The following SYNE2 variants were observed in gnomAD, a reference collection of about 807,000 sequenced individuals.
The protein encoded by SYNE2 is nesprin-2.
Under a neutral mutation model 856.3 loss-of-function variants are expected in SYNE2, and 431 were observed. The ratio of observed to expected loss-of-function variants is 0.50; its 90% CI spans 0.47 to 0.55. The LOEUF is 0.55. Ranked by LOEUF, SYNE2 falls within the 20% of genes least tolerant of loss-of-function variation. SYNE2 has a pLI of 0.00. For missense variants in SYNE2, 8,129 were observed against 8,023.2 expected (o/e 1.01, Z -0.50); for synonymous variants, 2,923 against 2,872.3 (o/e 1.02, Z -0.56).
intron 82 of SYNE2, among the ~76,000 whole-genome samples, chr14:64,143,526 A>G (rs1169450584): frequency 6.6e-6 from 1 of 152,146 alleles, no homozygotes; most frequent in Non-Finnish European, 1.5e-5. Flanking sequence ...CAACTGCCAT[A>G]CATAGTGCCC....
chr14:63,879,257 T>A (rs2094802450), intron 1 of SYNE2, among the ~76,000 whole-genome samples: 1 of 152,208 alleles, frequency 6.6e-6, no homozygotes, highest in Admixed American at 6.5e-5. Flanking sequence ...TTTAAAAATC[T>A]TTTTTTGTTT....
intron 45 of SYNE2, among the ~76,000 whole-genome samples, chr14:64,035,515 A>ATTTTT (rs35030710): frequency 2.9e-4 from 35 of 121,684 alleles, no homozygotes; most frequent in African/African-American, 3.4e-4. Context: ...TACATGGTAC[A>ATTTTT]TTTTTTTTTT....
chr14:64,072,908 C>G (rs2097423897), intron 52 of SYNE2, among the ~76,000 whole-genome samples: 1 of 152,172 alleles, frequency 6.6e-6, no homozygotes, highest in African/African-American at 2.4e-5. Context: ...ACACTTTACT[C>G]ATGTTTACCA....
chr14:63,786,269 A>G (rs1427062286), intron 1 of SYNE2, among the ~76,000 whole-genome samples: 1 of 150,838 alleles, frequency 6.6e-6, no homozygotes, highest in East Asian at 1.9e-4. Flanking sequence ...ATAGCTGGGC[A>G]TGGTGGCATG....
chr14:64,198,452 C>A (rs1385234710), intron 99 of SYNE2, among the ~76,000 whole-genome samples: 1 of 152,200 alleles, frequency 6.6e-6, no homozygotes, highest in Non-Finnish European at 1.5e-5. Context: ...CAGAACGATA[C>A]ACGCTCAGCA....
At chr14:63,872,314 G>A (rs1255698323) in intron 1 of SYNE2, among the ~76,000 whole-genome samples, 3 of 151,714 alleles carry the variant, frequency 2.0e-5, no homozygotes, top group Non-Finnish European at 2.9e-5. Flanking sequence ...CCTGTAATCC[G>A]AGCCACTTGG....
At chr14:64,164,666 C>T (rs1009849678) in intron 89 of SYNE2, among the ~76,000 whole-genome samples, 12 of 152,122 alleles carry the variant, frequency 7.9e-5, no homozygotes, top group African/African-American at 2.9e-4. Context: ...CAAAAAAGCA[C>T]ATTTAACTAG....
chr14:63,794,861 G>A (rs1887861252), intron 1 of SYNE2, among the ~76,000 whole-genome samples: 1 of 152,152 alleles, frequency 6.6e-6, no homozygotes, highest in Non-Finnish European at 1.5e-5. Context: ...TACTTAAAAA[G>A]TTAAACGTAA....
intron 97 of SYNE2, among the ~76,000 whole-genome samples, chr14:64,187,812 T>A (rs996286728): frequency 2.6e-5 from 4 of 152,226 alleles, no homozygotes; most frequent in Non-Finnish European, 2.9e-5. Context: ...CTTTTGTACA[T>A]CTAGTTAGGC....
In SYNE2 at chr14:64,051,924, G is replaced by T; in HGVS notation, c.8011G>T (p.Asp2671Tyr). The T allele has an allele frequency of 1.2e-6, 2 of 1,613,852 alleles. No individual in the cohort carries two copies. The highest frequency in any genetic ancestry group is 1.7e-6 in the Non-Finnish European group (2 of 1,180,024). Reference protein sequence around the residue: ...GNQSMIALTTDLQATKHGFSV... With the variant: ...GNQSMIALTTYLQATKHGFSV... ...CCAAAGCATGATTGCCTTGACCACT[G>T]ACCTCCAGGCTACCAAGCATGGATT... Residue 2671 changes from aspartate (D) to tyrosine (Y), a missense_variant, in exon 48 of 116, where the codon GAC becomes TAC. By Grantham distance (160) the Asp-to-Tyr change is radical. Around this residue, in one of 3 missense-constraint regions of SYNE2, gnomAD observed 5,410 missense variants for 5,284.8 expected, o/e 1.02. Transcript: ENST00000555002.
intron 1 of SYNE2, among the ~76,000 whole-genome samples, chr14:63,906,230 A>G (rs1235125683): frequency 1.3e-5 from 2 of 152,082 alleles, no homozygotes; most frequent in African/African-American, 2.4e-5. Flanking sequence ...GAATTTTTGC[A>G]TCTATGTTCA....
chr14:63,832,904 G>A (rs371567247), intron 1 of SYNE2, among the ~76,000 whole-genome samples: 79 of 150,634 alleles, frequency 5.2e-4, no homozygotes, highest in Non-Finnish European at 1.0e-3. Flanking sequence ...GTCCGGTATG[G>A]TGGCACGTGC....
At chr14:64,082,051 A>G (rs1012793118) in intron 57 of SYNE2, among the ~76,000 whole-genome samples, 1 of 151,748 alleles carries the variant, frequency 6.6e-6, no homozygotes, top group African/African-American at 2.4e-5. Context: ...GCACCACTGC[A>G]CTCCAGCCTG....
intron 15 of SYNE2, 98 bp from the exon 16 acceptor site, chr14:63,980,888 A>G: frequency 9.3e-7 from 1 of 1,077,492 alleles, no homozygotes; most frequent in Non-Finnish European, 1.4e-6. Context: ...CAGAGTACAT[A>G]TTATTTTGCC....
chr14:64,101,491 G>T (rs1408822518), intron 63 of SYNE2, among the ~76,000 whole-genome samples: 1 of 151,960 alleles, frequency 6.6e-6, no homozygotes, highest in Non-Finnish European at 1.5e-5. Flanking sequence ...TCACTCTGTT[G>T]CCTAGGCTAG....
chr14:64,035,109 A>G (rs2097076259), intron 45 of SYNE2, among the ~76,000 whole-genome samples: 1 of 151,888 alleles, frequency 6.6e-6, no homozygotes, highest in Non-Finnish European at 1.5e-5. Context: ...AATTGTTAGC[A>G]TTTCTGAATT....
chr14:63,916,887 C>T (rs1235646551), intron 2 of SYNE2, among the ~76,000 whole-genome samples: 1 of 151,746 alleles, frequency 6.6e-6, no homozygotes, highest in East Asian at 1.9e-4. Flanking sequence ...AGTTTGAGAC[C>T]AGCCTGGGCA....
At position 64,048,037 on chromosome 14, in the gene SYNE2, C is replaced by T. The variant is rs776379142; in HGVS notation, c.7259C>T (p.Ser2420Phe). 6.2e-7 allele frequency: 1 copy of T among 1,613,782 alleles called. No homozygotes were observed. The highest frequency in any genetic ancestry group is 1.1e-5 in the South Asian group (1 of 91,072). Reference protein sequence around the residue: ...AVEMAMSKQLSLNAQESMKNT... With the variant: ...AVEMAMSKQLFLNAQESMKNT... ...GAAATGGCTATGTCAAAACAACTTT[C>T]TCTTAATGCTCAAGAAAGCATGAAA... The change falls in exon 46 of 116, where the codon TCT becomes TTT. Residue 2420 changes from serine (S) to phenylalanine (F), a missense_variant. By Grantham distance (155) the Ser-to-Phe change is radical. Transcript: ENST00000555002.
At chr14:64,166,181 A>G (rs1436609461) in intron 90 of SYNE2, among the ~76,000 whole-genome samples, 1 of 152,198 alleles carries the variant, frequency 6.6e-6, no homozygotes, top group Admixed American at 6.5e-5. Flanking sequence ...ACTGTCCATC[A>G]CTGATTTTTT....
Sources: gnomAD v4.1 joint callset for allele counts (sites outside exome capture counted in the v4.1 genomes callset) on GRCh38, gnomAD v4.1.1 for gene constraint, gnomAD v4.1.1 regional missense constraint, MANE v1.5 for transcripts, NCBI Gene and HGNC (gene_info 2026-07-23, HGNC 2026-07-21) for gene names.